The following KCNIP4 variants were observed in gnomAD, a reference collection of about 807,000 sequenced individuals.
KCNIP4 encodes the protein potassium voltage-gated channel interacting protein 4.
A neutral mutation model predicts 34.0 loss-of-function variants in KCNIP4; 12 were observed. That is an observed-to-expected ratio of 0.35 (90% confidence interval 0.23 to 0.57). The LOEUF is 0.57. Among genes scored for constraint, KCNIP4 ranks in the 20% least tolerant of loss-of-function variants. KCNIP4 has a pLI of 0.83. For synonymous variants in KCNIP4, 124 were observed against 102.2 expected (o/e 1.21, Z -1.29); for missense variants, 238 against 311.7 (o/e 0.76, Z 1.78).
chr4:20,933,087 A>C (rs1222822369), intron 1 of KCNIP4, among the ~76,000 whole-genome samples: 1 of 152,052 alleles, frequency 6.6e-6, no homozygotes, highest in African/African-American at 2.4e-5. Flanking sequence ...TCCACTAAAA[A>C]TATGAAAATT....
chr4:21,631,182 T>C (rs544240547), intron 1 of KCNIP4, among the ~76,000 whole-genome samples: 1 of 152,340 alleles, frequency 6.6e-6, no homozygotes, highest in South Asian at 2.1e-4. Flanking sequence ...GCATGAACTT[T>C]GTCATATTTA....
intron 2 of KCNIP4, among the ~76,000 whole-genome samples, chr4:20,851,076 G>C (rs1488208086): frequency 2.6e-5 from 4 of 152,036 alleles, no homozygotes; most frequent in Non-Finnish European, 5.9e-5. Context: ...ACATGTGCAG[G>C]ATGTGCAGGT....
chr4:21,224,645 G>A (rs1388393784), intron 1 of KCNIP4, among the ~76,000 whole-genome samples: 1 of 120,668 alleles, frequency 8.3e-6, no homozygotes, highest in African/African-American at 3.2e-5. Context: ...GGAGTGCAAT[G>A]GTGCCATCTC....
intron 1 of KCNIP4, among the ~76,000 whole-genome samples, chr4:21,079,634 A>G (rs539439078): frequency 6.6e-6 from 1 of 151,722 alleles, no homozygotes; most frequent in South Asian, 2.1e-4. Context: ...GACCCTGTGA[A>G]TATGTTATGT....
At chr4:20,742,268 A>T (rs1463382236) in intron 5 of KCNIP4, among the ~76,000 whole-genome samples, 1 of 152,198 alleles carries the variant, frequency 6.6e-6, no homozygotes, top group African/African-American at 2.4e-5. Context: ...ATACAACAAA[A>T]AAGAATTTTA....
At chr4:20,926,218 T>C (rs1729885913) in intron 1 of KCNIP4, among the ~76,000 whole-genome samples, 1 of 152,192 alleles carries the variant, frequency 6.6e-6, no homozygotes, top group Non-Finnish European at 1.5e-5. Flanking sequence ...CCTGCTCTGT[T>C]AAGGCTCTTC....
intron 1 of KCNIP4, among the ~76,000 whole-genome samples, chr4:21,537,279 C>A (rs1360894155): frequency 6.6e-6 from 1 of 152,160 alleles, no homozygotes; most frequent in African/African-American, 2.4e-5. Context: ...ATTCTGTATA[C>A]AGTACAAGCA....
chr4:20,997,484 G>C (rs1166841014), intron 1 of KCNIP4, among the ~76,000 whole-genome samples: 1 of 152,160 alleles, frequency 6.6e-6, no homozygotes, highest in Non-Finnish European at 1.5e-5. Context: ...CACTGGCTCT[G>C]ACTAGTGAAA....
chr4:21,580,410 T>C (rs1741118217), intron 1 of KCNIP4, among the ~76,000 whole-genome samples: 1 of 152,106 alleles, frequency 6.6e-6, no homozygotes, highest in African/African-American at 2.4e-5. Context: ...CTTCTTTGTA[T>C]ACGAAAGTTT....
chr4:21,117,365 A>G (rs1170191727), intron 1 of KCNIP4, among the ~76,000 whole-genome samples: 2 of 146,094 alleles, frequency 1.4e-5, no homozygotes, highest in Admixed American at 7.3e-5. Flanking sequence ...TCCCAGGTCT[A>G]CAGACCAAGT....
At chr4:20,985,734 C>T (rs919034674) in intron 1 of KCNIP4, among the ~76,000 whole-genome samples, 4 of 152,018 alleles carry the variant, frequency 2.6e-5, no homozygotes, top group Non-Finnish European at 5.9e-5. Flanking sequence ...CAGATGTCTG[C>T]GCGGTACAGT....
intron 1 of KCNIP4, among the ~76,000 whole-genome samples, chr4:20,947,351 T>C (rs1478511409): frequency 6.6e-6 from 1 of 152,042 alleles, no homozygotes; most frequent in East Asian, 1.9e-4. Context: ...GTACTTTTAG[T>C]AGAGATAGGG....
At chr4:21,054,707 CAAA>C (rs34366909) in intron 1 of KCNIP4, among the ~76,000 whole-genome samples, 13 of 86,204 alleles carry the variant, frequency 1.5e-4, no homozygotes, top group East Asian at 4.5e-4. Context: ...TACTCACATG[CAAA>C]AAAAAAAAAA....
intron 1 of KCNIP4, among the ~76,000 whole-genome samples, chr4:21,627,099 G>A (rs1745394960): frequency 6.6e-6 from 1 of 152,040 alleles, no homozygotes; most frequent in South Asian, 2.1e-4. Context: ...TTGAACTGTT[G>A]AAAATCTTAG....
At chr4:21,230,559 C>G (rs185036201) in intron 1 of KCNIP4, among the ~76,000 whole-genome samples, 55 of 152,154 alleles carry the variant, frequency 3.6e-4, no homozygotes, top group African/African-American at 1.3e-3. Flanking sequence ...TGTTCCCCTC[C>G]TTGTGTCCAT....
At chr4:21,518,804 A>G (rs1157328522) in intron 1 of KCNIP4, among the ~76,000 whole-genome samples, 2 of 152,096 alleles carry the variant, frequency 1.3e-5, no homozygotes, top group African/African-American at 2.4e-5. Context: ...TTTCGGGGAC[A>G]CTGAAACAGC....
chr4:21,926,407 T>C (rs1729244691), intron 1 of KCNIP4, among the ~76,000 whole-genome samples: 1 of 152,202 alleles, frequency 6.6e-6, no homozygotes, highest in Admixed American at 6.5e-5. Flanking sequence ...GCAGAAAAAC[T>C]ATAACTTTGC....
intron 1 of KCNIP4, among the ~76,000 whole-genome samples, chr4:20,894,191 A>G (rs1346571749): frequency 6.6e-6 from 1 of 152,150 alleles, no homozygotes; most frequent in Non-Finnish European, 1.5e-5. Flanking sequence ...ATTTTTAACA[A>G]TCAAGCATTG....
At chr4:21,100,249 T>G (rs527279656) in intron 1 of KCNIP4, among the ~76,000 whole-genome samples, 25 of 152,248 alleles carry the variant, frequency 1.6e-4, no homozygotes, top group African/African-American at 5.8e-4. Flanking sequence ...ACTGTGGTTT[T>G]AAGAAATTGC....
Sources: allele counts gnomAD v4.1 joint callset (sites outside exome capture counted in the v4.1 genomes callset), GRCh38; gene constraint gnomAD v4.1.1; transcripts MANE v1.5; gene names NCBI Gene and HGNC (gene_info 2026-07-23, HGNC 2026-07-21).